Variants in SIRT5 observed in about 807,000 individuals in gnomAD.
The protein encoded by SIRT5 is sirtuin 5.
A neutral mutation model predicts 40.0 loss-of-function variants in SIRT5; 26 were observed. The ratio of observed to expected loss-of-function variants is 0.65; its 90% CI spans 0.48 to 0.90. SIRT5 has a LOEUF of 0.90. Among genes scored for constraint, SIRT5 ranks in the 40% least tolerant of loss-of-function variants. SIRT5 has a pLI of 0.00. For synonymous variants in SIRT5, 146 were observed against 149.1 expected, an observed-to-expected ratio of 0.98 and a Z score of 0.15; for missense variants, 401 against 402.4, an observed-to-expected ratio of 1.00 and a Z score of 0.03.
chr6:13,590,514 T>C (rs1179718816), intron 4 of SIRT5, among the ~76,000 whole-genome samples: 2 of 151,786 alleles, frequency 1.3e-5, no homozygotes, highest in Admixed American at 6.6e-5. Context: ...CGTGTAGGTG[T>C]GTGTGGTTTT....
At chr6:13,590,798 GT>G (rs1009431174) in intron 4 of SIRT5, among the ~76,000 whole-genome samples, 3 of 150,662 alleles carry the variant, frequency 2.0e-5, no homozygotes, top group African/African-American at 7.3e-5. Flanking sequence ...TGTGTATGTA[GT>G]TGTGTGTGTG....
At chr6:13,582,129 A>G (rs565710291) in intron 2 of SIRT5, among the ~76,000 whole-genome samples, 2 of 152,312 alleles carry the variant, frequency 1.3e-5, no homozygotes, top group Admixed American at 1.3e-4. Context: ...TTGCTCGAGT[A>G]CAAGTGTGTT....
At chr6:13,575,256 A>C (rs979289540) in intron 1 of SIRT5, among the ~76,000 whole-genome samples, 13 of 152,004 alleles carry the variant, frequency 8.6e-5, no homozygotes, top group Non-Finnish European at 1.8e-4. Context: ...GCAGGGCTGG[A>C]GGGGTAGGAG....
rs1162750194 is a variant in SIRT5, at chr6:13,605,754, C to G, written c.857+4805C>G. The G allele has an allele frequency of 6.1e-6, 6 of 985,304 alleles. No individual in the cohort carries two copies. In the East Asian group the frequency reaches 6.8e-4, roughly 112 times the overall value. The allele number at this position is 985,304 out of a possible 1,614,324, so 61.0% of individuals were successfully genotyped here. A position where few individuals can be genotyped will look rare whatever the true frequency, so the allele number is the denominator to read the frequency against. On this transcript the variant is annotated intron_variant, in intron 9 of 9. Coordinates refer to ENST00000606117, the MANE Select transcript of SIRT5 (RefSeq NM_012241.5). ...TTGAATTTAAACCTCAGTGTTTTGACTGTTACTCAACCCCAGGGGGCCTTG... is the reference window on the plus strand; with the variant it reads ...TTGAATTTAAACCTCAGTGTTTTGAGTGTTACTCAACCCCAGGGGGCCTTG...
At chr6:13,589,822 AG>A (rs985890081) in intron 4 of SIRT5, among the ~76,000 whole-genome samples, 4 of 152,192 alleles carry the variant, frequency 2.6e-5, no homozygotes, top group Non-Finnish European at 5.9e-5. Context: ...AGGAGCTCGG[AG>A]GAGGGGCGCT....
chr6:13,576,249 G>A lies in SIRT5; in HGVS notation c.-195+1505G>A, dbSNP rs1174112837. The stretch of plus-strand genomic sequence containing the variant: ...CTCCATACTGTTTTCCAAAATGGCT[G>A]TACTAATTTACATTCCACCAACAGT... On this transcript the variant is annotated intron_variant, in intron 1 of 9. Coordinates refer to ENST00000606117, the MANE Select transcript of SIRT5 (RefSeq NM_012241.5). 2.6e-5 allele frequency among the ~76,000 whole-genome samples: 4 copies of A among 152,266 alleles called. No homozygotes were observed. In the East Asian group the frequency reaches 7.7e-4, roughly 29 times the overall value.
intron 4 of SIRT5, among the ~76,000 whole-genome samples, chr6:13,590,719 G>T (rs1760759925): frequency 6.6e-6 from 1 of 151,622 alleles, no homozygotes; most frequent in Non-Finnish European, 1.5e-5. Context: ...TTAGTTGTGG[G>T]TGTAGTTGTG....
chr6:13,590,803 G>A (rs1477839529), intron 4 of SIRT5, among the ~76,000 whole-genome samples: 1 of 151,644 alleles, frequency 6.6e-6, no homozygotes, highest in Admixed American at 6.6e-5. Flanking sequence ...ATGTAGTTGT[G>A]TGTGTGTGTA....
At chr6:13,576,271 C>T (rs954249496) in intron 1 of SIRT5, among the ~76,000 whole-genome samples, 2 of 152,180 alleles carry the variant, frequency 1.3e-5, no homozygotes, top group Non-Finnish European at 2.9e-5. Context: ...ATTCCACCAA[C>T]AGTGTACCAG....
chr6:13,588,614 C>G (rs1268847051), intron 4 of SIRT5, 150 bp downstream of exon 4: 25 of 1,058,020 alleles, frequency 2.4e-5, no homozygotes, highest in Non-Finnish European at 3.3e-5. Context: ...GGCATAAACA[C>G]AAAGTTTCTA....
Position 13,611,972 on chromosome 6 carries a change from G to C in SIRT5, c.*107G>C. 1 of 1,042,028 alleles carries C rather than the reference G, an allele frequency of 9.6e-7. No homozygotes were observed. The highest frequency in any genetic ancestry group is 1.4e-6 in the Non-Finnish European group (1 of 702,960). The allele number at this position is 1,042,028 out of a possible 1,614,324, so 64.5% of individuals were successfully genotyped here. A position where few individuals can be genotyped will look rare whatever the true frequency, so the allele number is the denominator to read the frequency against. On this transcript the variant is annotated 3_prime_UTR_variant, in exon 10 of 10. Coordinates refer to ENST00000606117, the MANE Select transcript of SIRT5 (RefSeq NM_012241.5). ...CTGAGTACTGAACAATCTAAAAATA[G>C]CCTCTGATTCCCTCGCTGGAATCCA...
At chr6:13,591,942 T>G in intron 5 of SIRT5, 48 bp downstream of exon 5, 2 of 1,543,276 alleles carry the variant, frequency 1.3e-6, no homozygotes, top group Non-Finnish European at 1.8e-6. Flanking sequence ...TTAAAACACC[T>G]GTCCTGCTGT....
chr6:13,600,740 C>A, intron 8 of SIRT5, 94 bp from the exon 9 acceptor site: 1 of 987,618 alleles, frequency 1.0e-6, no homozygotes. Context: ...CCTGCAACCA[C>A]AGACCTGCCT....
At chr6:13,611,555 G>A (rs888905880) in intron 9 of SIRT5, among the ~76,000 whole-genome samples, 30 of 148,134 alleles carry the variant, frequency 2.0e-4, no homozygotes, top group Admixed American at 1.4e-4. Flanking sequence ...ATAAATTCTA[G>A]ACATTTGCTT....
Position 13,584,124 on chromosome 6 carries a change from A to G in SIRT5, c.14A>G (p.Gln5Arg), listed in dbSNP as rs139160010. 52 of 1,614,076 alleles carry G rather than the reference A, an allele frequency of 3.2e-5. No homozygotes were observed. The African/African-American group carries it at 6.5e-4, about 20-fold the overall frequency. ...AGACAAACCCTGATGCGACCTCTCC[A>G]GATTGTCCCAAGTCGATTGATTTCC... MRPL[Q>R]IVPSRLISQL... The change falls in exon 3 of 10, where the codon CAG becomes CGG. Residue 5 changes from glutamine to arginine, a missense_variant. By Grantham distance (43) the Gln-to-Arg change is conservative. Transcript: ENST00000606117.
chr6:13,588,241 A>C, intron 3 of SIRT5, 90 bp from the exon 4 acceptor site: 5 of 1,462,716 alleles, frequency 3.4e-6, no homozygotes, highest in Non-Finnish European at 4.7e-6. Context: ...ATAACTTCAC[A>C]CTAGGTCAAG....
At chr6:13,599,407 TC>T (rs886417138) in intron 8 of SIRT5, among the ~76,000 whole-genome samples, 1 of 152,120 alleles carries the variant, frequency 6.6e-6, no homozygotes, top group Non-Finnish European at 1.5e-5. Flanking sequence ...CAAAGCCTCC[TC>T]CCCCAGCCCC....
In SIRT5 at chr6:13,604,392, C is replaced by G. The variant is rs572088255; in HGVS notation, c.857+3443C>G. ...CTGTTTGAAAGACCATCAGAAAACT[C>G]GAAGAGTGGGACAGGATAAACTTTG... is the stretch of plus-strand genomic sequence containing the variant. On this transcript the variant is annotated intron_variant, in intron 9 of 9. Coordinates refer to ENST00000606117, the MANE Select transcript of SIRT5 (RefSeq NM_012241.5). 6 of 874,114 alleles carry G rather than the reference C, an allele frequency of 6.9e-6. No individual in the cohort carries two copies. The African/African-American group carries it at 8.5e-5, about 12-fold the overall frequency. The allele number at this position is 874,114 out of a possible 1,614,324, so 54.1% of individuals were successfully genotyped here.
At position 13,599,571 on chromosome 6, in the gene SIRT5, A is replaced by G. The variant is rs554071893; in HGVS notation, c.741+416A>G. On this transcript the variant is annotated intron_variant, in intron 8 of 9. Coordinates refer to ENST00000606117, the MANE Select transcript of SIRT5 (RefSeq NM_012241.5). ...CTATCCAGAAATAGTTACCGTTAGC[A>G]GTTTAGTATGTTTTCTTCTAGACCC... Among the ~76,000 whole-genome samples, 66 of 152,380 alleles carry G rather than the reference A, an allele frequency of 4.3e-4. 1 individual carries two copies. The Middle Eastern group carries it at 0.01, about 24-fold the overall frequency.
Sources: gnomAD v4.1 joint callset for allele counts (sites outside exome capture counted in the v4.1 genomes callset) on GRCh38, gnomAD v4.1.1 for gene constraint, MANE v1.5 for transcripts, NCBI Gene and HGNC (gene_info 2026-07-23, HGNC 2026-07-21) for gene names.